Variants in TMEM217B observed in about 807,000 individuals in gnomAD.
TMEM217B encodes the protein transmembrane protein 217B.
the TMEM217B span, among the ~76,000 whole-genome samples, chr6:37,235,843 A>G: frequency 6.6e-6 from 1 of 152,148 alleles, no homozygotes; most frequent in Non-Finnish European, 1.5e-5. Flanking sequence ...TTTATAAAGC[A>G]CTAACCCATT....
chr6:37,243,539 T>C, the TMEM217B span, among the ~76,000 whole-genome samples: 10,025 of 152,260 alleles, frequency 0.066, 1,070 homozygotes, highest in African/African-American at 0.22. Context: ...GGCCATATCA[T>C]ATGGGATATG....
chr6:37,216,908 C>A, the TMEM217B span, among the ~76,000 whole-genome samples: 1 of 152,128 alleles, frequency 6.6e-6, no homozygotes, highest in Non-Finnish European at 1.5e-5. Flanking sequence ...AGAGAGCAGG[C>A]CCTTACCAGA....
At chr6:37,234,316 T>C in the TMEM217B span, among the ~76,000 whole-genome samples, 1 of 152,116 alleles carries the variant, frequency 6.6e-6, no homozygotes, top group East Asian at 1.9e-4. Context: ...GCCAGGCTGG[T>C]CTCGAACTCC....
At chr6:37,226,648 G>A in the TMEM217B span, among the ~76,000 whole-genome samples, 1 of 151,538 alleles carries the variant, frequency 6.6e-6, no homozygotes, top group Non-Finnish European at 1.5e-5. Flanking sequence ...GCACGATCTC[G>A]CCTCCCAGGT....
the TMEM217B span, among the ~76,000 whole-genome samples, chr6:37,245,081 C>T: frequency 1.3e-5 from 2 of 152,212 alleles, no homozygotes; most frequent in South Asian, 2.1e-4. Context: ...TGTTTACTAA[C>T]ATCCCATTGA....
the TMEM217B span, chr6:37,257,737 C>A: frequency 1.6e-6 from 1 of 632,132 alleles, no homozygotes; most frequent in Non-Finnish European, 2.6e-6. Flanking sequence ...TTGCGCAGCT[C>A]ACCAATGGCA....
At chr6:37,226,981 AT>A in the TMEM217B span, among the ~76,000 whole-genome samples, 1 of 152,232 alleles carries the variant, frequency 6.6e-6, no homozygotes, top group African/African-American at 2.4e-5. Context: ...TATAACAATC[AT>A]TTTCATAGCT....
At chr6:37,242,386 A>C in the TMEM217B span, among the ~76,000 whole-genome samples, 1 of 152,300 alleles carries the variant, frequency 6.6e-6, no homozygotes, top group Admixed American at 6.5e-5. Context: ...TCAACTTTTC[A>C]AATCAGCACT....
the TMEM217B span, among the ~76,000 whole-genome samples, chr6:37,241,700 A>C: frequency 6.6e-6 from 1 of 152,234 alleles, no homozygotes; most frequent in East Asian, 1.9e-4. Context: ...GGCAATATCC[A>C]GGCCAATTTA....
At chr6:37,233,152 C>CGGG in the TMEM217B span, among the ~76,000 whole-genome samples, 2 of 151,782 alleles carry the variant, frequency 1.3e-5, no homozygotes, top group Non-Finnish European at 2.9e-5. Flanking sequence ...CAAACTCCCA[C>CGGG]CCCCACCTAC....
At chr6:37,221,340 C>T in the TMEM217B span, among the ~76,000 whole-genome samples, 3 of 152,166 alleles carry the variant, frequency 2.0e-5, no homozygotes, top group Admixed American at 6.5e-5. Context: ...GAGTGCACCA[C>T]CACACCTGGC....
chr6:37,217,336 C>G, the TMEM217B span, among the ~76,000 whole-genome samples: 12 of 152,178 alleles, frequency 7.9e-5, no homozygotes, highest in African/African-American at 2.9e-4. Flanking sequence ...GACCTGAATG[C>G]AAAGTGATGT....
the TMEM217B span, chr6:37,212,991 C>A: frequency 6.5e-6 from 10 of 1,536,854 alleles, 1 homozygote; most frequent in South Asian, 7.3e-5. Context: ...TTTACCAGAG[C>A]ACCTCCTGCA....
At chr6:37,238,446 T>C in the TMEM217B span, among the ~76,000 whole-genome samples, 1 of 152,188 alleles carries the variant, frequency 6.6e-6, no homozygotes, top group Non-Finnish European at 1.5e-5. Flanking sequence ...CTACCAGAAG[T>C]CTGCTTTCTC....
At chr6:37,254,828 C>T in the TMEM217B span, among the ~76,000 whole-genome samples, 1 of 152,036 alleles carries the variant, frequency 6.6e-6, no homozygotes, top group Admixed American at 6.6e-5. Flanking sequence ...GCACCTGGGA[C>T]CAGTTTCAGG....
chr6:37,223,367 A>G, the TMEM217B span, among the ~76,000 whole-genome samples: 1 of 152,244 alleles, frequency 6.6e-6, no homozygotes, highest in African/African-American at 2.4e-5. Context: ...AAAAGCAGCC[A>G]ATGGGCTTTT....
chr6:37,222,481 G>T, the TMEM217B span, among the ~76,000 whole-genome samples: 5 of 152,192 alleles, frequency 3.3e-5, no homozygotes, highest in African/African-American at 1.2e-4. Context: ...CTGCAGAGAC[G>T]CCCGGGTCCT....
chr6:37,245,960 C>T, the TMEM217B span, among the ~76,000 whole-genome samples: 6 of 152,044 alleles, frequency 3.9e-5, no homozygotes, highest in African/African-American at 4.8e-5. Context: ...CCACCAAGCC[C>T]GGCTAATTCT....
chr6:37,245,627 A>G, the TMEM217B span, among the ~76,000 whole-genome samples: 2 of 152,180 alleles, frequency 1.3e-5, no homozygotes, highest in African/African-American at 2.4e-5. Flanking sequence ...TATGTGGGAA[A>G]GGGATTTATA....
Sources: gnomAD v4.1 joint callset for allele counts (sites outside exome capture counted in the v4.1 genomes callset) on GRCh38, gnomAD v4.1.1 for gene constraint, MANE v1.5 for transcripts, NCBI Gene and HGNC (gene_info 2026-07-23, HGNC 2026-07-21) for gene names.